Variants in KCNQ3 observed in about 807,000 individuals in gnomAD.
KCNQ3 encodes potassium voltage-gated channel subfamily Q member 3, also known as potassium voltage-gated channel subfamily KQT member 3.
In KCNQ3, 30 loss-of-function variants were observed where a neutral mutation model predicts 92.5. That is an observed-to-expected ratio of 0.32 (90% CI 0.24 to 0.44). The LOEUF (loss-of-function observed/expected upper bound fraction) is 0.44. Ranked by LOEUF, KCNQ3 falls within the 20% of genes least tolerant of loss-of-function variation. The pLI is 1.00. For missense variants in KCNQ3, 913 were observed against 1,140.3 expected, an observed-to-expected ratio of 0.80 and a Z score of 2.87; for synonymous variants, 450 against 468.8, an observed-to-expected ratio of 0.96 and a Z score of 0.52.
rs190333294 is a variant in KCNQ3 at position 132,234,562 on chromosome 8, T to C, written c.387-48381A>G. 1.3e-4 allele frequency among the ~76,000 whole-genome samples: 20 copies of C among 152,000 alleles called. No individual in the cohort carries two copies. The East Asian group carries it at 2.7e-3, about 21-fold the overall frequency. On this transcript the variant is annotated intron_variant, in intron 1 of 14. Transcript: ENST00000388996. Reference sequence around the variant, plus strand: ...ATCTCAAAACAGAAGAAAAACAAAGTTTATGAAACACACACTATATACTGG... The same window carrying C: ...ATCTCAAAACAGAAGAAAAACAAAGCTTATGAAACACACACTATATACTGG...
At chr8:132,159,154 C>T (rs1288530241) in intron 9 of KCNQ3, among the ~76,000 whole-genome samples, 3 of 152,148 alleles carry the variant, frequency 2.0e-5, no homozygotes, top group African/African-American at 7.2e-5. Flanking sequence ...AATGATGGAC[C>T]TAACACAAAA....
chr8:132,365,052 A>G (rs910370972), intron 1 of KCNQ3, among the ~76,000 whole-genome samples: 2 of 152,174 alleles, frequency 1.3e-5, no homozygotes, highest in African/African-American at 4.8e-5. Context: ...AGGCCACTCA[A>G]GCAGCCAAGA....
intron 1 of KCNQ3, among the ~76,000 whole-genome samples, chr8:132,229,463 G>A (rs182218551): frequency 6.6e-6 from 1 of 152,110 alleles, no homozygotes; most frequent in East Asian, 1.9e-4. Flanking sequence ...AGAGTCGGAG[G>A]ATGGCATGGC....
chr8:132,223,396 T>C (rs146655524), intron 1 of KCNQ3, among the ~76,000 whole-genome samples: 48 of 152,318 alleles, frequency 3.2e-4, no homozygotes, highest in African/African-American at 1.1e-3. Flanking sequence ...TATAAAAATG[T>C]GCACAAAGTA....
intron 1 of KCNQ3, among the ~76,000 whole-genome samples, chr8:132,415,740 A>G (rs1383231220): frequency 2.0e-5 from 3 of 152,220 alleles, no homozygotes; most frequent in Non-Finnish European, 4.4e-5. Context: ...GGACAAAAAA[A>G]AAAGCTACTT....
intron 1 of KCNQ3, among the ~76,000 whole-genome samples, chr8:132,218,014 G>A (rs192169775): frequency 1.1e-4 from 17 of 152,272 alleles, no homozygotes; most frequent in East Asian, 3.9e-4. Context: ...CCAAGTGTGC[G>A]GTTGTGGGTG....
At chr8:132,416,350 G>A (rs1035684564) in intron 1 of KCNQ3, among the ~76,000 whole-genome samples, 3 of 152,056 alleles carry the variant, frequency 2.0e-5, no homozygotes, top group South Asian at 2.1e-4. Context: ...AAATTCAGTC[G>A]GGCACAGTGG....
At chr8:132,380,616 G>A (rs140658872) in intron 1 of KCNQ3, among the ~76,000 whole-genome samples, 60 of 152,018 alleles carry the variant, frequency 3.9e-4, no homozygotes, top group African/African-American at 1.2e-3. Flanking sequence ...CCACACACCC[G>A]TGGCTGCAGG....
Position 132,380,738 on chromosome 8 carries a change from A to T in KCNQ3, c.386+99409T>A, listed in dbSNP as rs532139355. ...GAGAGAAAATGCCCAGAGAAAAACC[A>T]TCAGTTCATTTAATTAATATTCACG... On this transcript the variant is annotated intron_variant, in intron 1 of 14. Transcript: ENST00000388996. 3.4e-5 allele frequency among the ~76,000 whole-genome samples: 5 copies of T among 147,900 alleles called. No individual in the cohort carries two copies. The East Asian group carries it at 8.6e-4, about 26-fold the overall frequency.
chr8:132,136,028 A>C (rs1440432204), intron 12 of KCNQ3, among the ~76,000 whole-genome samples: 1 of 144,320 alleles, frequency 6.9e-6, no homozygotes, highest in East Asian at 2.3e-4. Flanking sequence ...TTGAGGCAGG[A>C]GAATCACTTG....
chr8:132,246,457 T>C (rs992054584), intron 1 of KCNQ3, among the ~76,000 whole-genome samples: 8 of 152,222 alleles, frequency 5.3e-5, no homozygotes, highest in Non-Finnish European at 1.0e-4. Flanking sequence ...TTCGTTTCTT[T>C]TATGAGGCAG....
intron 1 of KCNQ3, among the ~76,000 whole-genome samples, chr8:132,293,394 T>G (rs1295757433): frequency 2.0e-5 from 3 of 152,128 alleles, no homozygotes; most frequent in Non-Finnish European, 4.4e-5. Context: ...GGTGTCAGAA[T>G]TGATTTGGGG....
intron 1 of KCNQ3, among the ~76,000 whole-genome samples, chr8:132,464,371 T>C (rs1350837300): frequency 6.6e-6 from 1 of 152,212 alleles, no homozygotes; most frequent in East Asian, 1.9e-4. Flanking sequence ...ACACACTCCT[T>C]GGAGGCTGGC....
At chr8:132,344,726 A>T (rs1001338241) in intron 1 of KCNQ3, among the ~76,000 whole-genome samples, 1 of 152,170 alleles carries the variant, frequency 6.6e-6, no homozygotes, top group Non-Finnish European at 1.5e-5. Context: ...GGGTATAGAA[A>T]GCTGGTGGGG....
Position 132,179,706 on chromosome 8 carries a change from C to T in KCNQ3, c.777+451G>A, listed in dbSNP as rs553997907. 5.5e-4 allele frequency among the ~76,000 whole-genome samples: 84 copies of T among 152,226 alleles called. 1 individual carries two copies. Among genetic ancestry groups the T allele is most frequent in the African/African-American group, 1.4e-3 (57 of 41,512 alleles). On this transcript the variant is annotated intron_variant, in intron 4 of 14. Transcript: ENST00000388996. ...AATTTTATAAATGCAGAAACCAAGA[C>T]GCAAAAAATTCCCAACGTCACAGAG...
rs1824766753 is a variant in KCNQ3 at position 132,129,162 on chromosome 8, G to A, written c.*100C>T. Reference sequence around the variant, plus strand: ...CACCACGCACACGCATGCATTTGATGCAGCCATTGGTGTCCCCGCTGGTAA... The same window carrying A: ...CACCACGCACACGCATGCATTTGATACAGCCATTGGTGTCCCCGCTGGTAA... On this transcript the variant is annotated 3_prime_UTR_variant, in exon 15 of 15. Transcript: ENST00000388996. This position sits in a 1 kb window ranked among gnomAD's most constrained non-coding sequence, Gnocchi z 5.9. The A allele has an allele frequency of 2.1e-6, 3 of 1,422,872 alleles. No individual in the cohort carries two copies. The highest frequency in any genetic ancestry group is 3.5e-5 in the Admixed American group (2 of 57,288). 88.1% of individuals were successfully genotyped at this position (1,422,872 alleles called of 1,614,324 possible).
At chr8:132,479,350 G>C (rs6991292) in intron 1 of KCNQ3, among the ~76,000 whole-genome samples, 46,486 of 151,884 alleles carry the variant, frequency 0.31, 7,515 homozygotes, top group African/African-American at 0.39. Flanking sequence ...GGTGCCCTAG[G>C]CCAGCCAAAG....
intron 12 of KCNQ3, among the ~76,000 whole-genome samples, chr8:132,136,206 C>T (rs1042164143): frequency 6.6e-6 from 1 of 150,938 alleles, no homozygotes; most frequent in Non-Finnish European, 1.5e-5. Flanking sequence ...TCATTAACTT[C>T]CAACCCAGTC....
chr8:132,420,377 A>G (rs6985161), intron 1 of KCNQ3, among the ~76,000 whole-genome samples: 2,703 of 152,280 alleles, frequency 0.018, 79 homozygotes, highest in African/African-American at 0.061. Context: ...AGAAAACATC[A>G]CTGCAGTGTC....
Sources: gnomAD v4.1 joint callset for allele counts (sites outside exome capture counted in the v4.1 genomes callset) on GRCh38, gnomAD v4.1.1 for gene constraint, Gnocchi (gnomAD v3.1) non-coding constraint, MANE v1.5 for transcripts, NCBI Gene and HGNC (gene_info 2026-07-23, HGNC 2026-07-21) for gene names.